Variants in ZGPAT observed in about 807,000 individuals in gnomAD.
The protein encoded by ZGPAT is zinc finger CCCH-type with G patch domain-containing protein.
ZGPAT carries 39 observed loss-of-function variants against 47.9 expected under a neutral mutation model. The ratio of observed to expected loss-of-function variants is 0.81; its 90% CI spans 0.63 to 1.06. The LOEUF (loss-of-function observed/expected upper bound fraction) is 1.06, where lower values mean the gene tolerates loss of function less well. Ranked by LOEUF, ZGPAT falls within the 50% of genes least tolerant of loss-of-function variation. The probability of loss-of-function intolerance (pLI) is 0.00; values close to 1 mark genes in which losing one functional copy is unlikely to be tolerated. For synonymous variants in ZGPAT, 348 were observed against 292.9 expected, an observed-to-expected ratio of 1.19 and a Z score of -1.92; for missense variants, 717 against 681.4, an observed-to-expected ratio of 1.05 and a Z score of -0.58.
chr20:63,734,708 TG>T lies in ZGPAT; in HGVS notation c.879del (p.Ser294GlnfsTer23). The T allele has an allele frequency of 6.2e-7, 1 of 1,613,830 alleles. No homozygotes were observed. Among genetic ancestry groups the T allele is most frequent in the Non-Finnish European group, 8.5e-7 (1 of 1,179,856 alleles). On this transcript the variant is annotated frameshift_variant, in exon 5 of 7. Transcript: ENST00000355969. LOFTEE classifies it high-confidence loss of function. Reference sequence around the variant, plus strand: ...GCCCTCTGTCCGTCTCTTGCAGTGGTGGGGTCAGATGCTGTGGACTCTGGGA... The same window carrying T: ...GCCCTCTGTCCGTCTCTTGCAGTGGTGGGTCAGATGCTGTGGACTCTGGGA... ...GTGDSSYARV[V>X]GSDAVDSGTC...
chr20:63,723,941 C>T (rs563842592), intron 2 of ZGPAT, among the ~76,000 whole-genome samples: 7 of 151,854 alleles, frequency 4.6e-5, no homozygotes, highest in African/African-American at 7.2e-5. Context: ...CATGGTGGCA[C>T]GCGCCTGTAG....
At chr20:63,720,149 AT>A (rs1190974400) in intron 2 of ZGPAT, among the ~76,000 whole-genome samples, 3 of 151,354 alleles carry the variant, frequency 2.0e-5, no homozygotes, top group East Asian at 1.9e-4. Context: ...TTTTTAAAAA[AT>A]TTTTTTTAAT....
intron 2 of ZGPAT, among the ~76,000 whole-genome samples, chr20:63,727,236 TTTTC>T (rs144298974): frequency 0.17 from 25,148 of 145,682 alleles, 2,377 homozygotes; most frequent in East Asian, 0.56. Flanking sequence ...TGATTTTTTT[TTTTC>T]TTTTTTTCTT....
At chr20:63,717,806 G>GT (rs2091746226) in intron 2 of ZGPAT, among the ~76,000 whole-genome samples, 1 of 152,124 alleles carries the variant, frequency 6.6e-6, no homozygotes, top group African/African-American at 2.4e-5. Flanking sequence ...ACTTTGGGAG[G>GT]CCAAGGTGGG....
At chr20:63,735,006 C>A in intron 5 of ZGPAT, 153 bp from the exon 6 acceptor site, 1 of 1,334,062 alleles carries the variant, frequency 7.5e-7, no homozygotes, top group Admixed American at 3.0e-5. Flanking sequence ...CATCCCCGTG[C>A]TCCTCAGATT....
chr20:63,735,732 T>A (rs1601355927), intron 6 of ZGPAT, 49 bp from the exon 7 acceptor site: 3 of 1,557,460 alleles, frequency 1.9e-6, no homozygotes, highest in Non-Finnish European at 2.6e-6. Flanking sequence ...CAGACTGGGG[T>A]TGGTGGCATG....
At position 63,708,881 on chromosome 20, in the gene ZGPAT, T is replaced by C. The variant is rs1487866324; in HGVS notation, c.301T>C (p.Ser101Pro). The C allele has an allele frequency of 6.2e-7, 1 of 1,611,466 alleles. No individual in the cohort carries two copies. The highest frequency in any genetic ancestry group is 8.5e-7 in the Non-Finnish European group (1 of 1,179,254). The change falls in exon 2 of 7, where the codon TCA becomes CCA. Residue 101 changes from serine (S) to proline (P), a missense_variant. Physicochemically the swap from Ser to Pro is moderately conservative, Grantham distance 74. Coordinates refer to ENST00000355969, the MANE Select transcript of ZGPAT (RefSeq NM_181485.3). ...EAPAAARGSG[S>P]ETVPKAEAGP... Reference sequence around the variant, plus strand: ...ACCAGCAGCGGCCCGTGGGTCCGGATCAGAGACCGTTCCTAAAGCAGAGGC... The same window carrying C: ...ACCAGCAGCGGCCCGTGGGTCCGGACCAGAGACCGTTCCTAAAGCAGAGGC...
rs2091617239 is a variant in ZGPAT, at chr20:63,709,015, G to A, written c.435G>A (p.Leu145=). 1 of 1,613,564 alleles carries A rather than the reference G, an allele frequency of 6.2e-7. No homozygotes were observed. Among genetic ancestry groups the A allele is most frequent in the African/African-American group, 1.3e-5 (1 of 74,932 alleles). Residue 145 remains leucine, a synonymous_variant, in exon 2 of 7, where the codon CTG becomes CTA. Coordinates refer to ENST00000355969, the MANE Select transcript of ZGPAT (RefSeq NM_181485.3). ...SAPYYSSWGT[L]EYHNAMVVGT... ...CCTACTACAGCTCCTGGGGCACTCT[G>A]GAGTATCACAACGCCATGGTGGTGG...
At chr20:63,723,843 G>A (rs2091816088) in intron 2 of ZGPAT, among the ~76,000 whole-genome samples, 1 of 152,206 alleles carries the variant, frequency 6.6e-6, no homozygotes, top group Non-Finnish European at 1.5e-5. Flanking sequence ...GGCTGAGGTG[G>A]GCAGATCGCC....
intron 2 of ZGPAT, among the ~76,000 whole-genome samples, chr20:63,717,379 TC>T (rs1163829363): frequency 7.3e-6 from 1 of 137,430 alleles, no homozygotes; most frequent in Non-Finnish European, 1.6e-5. Context: ...AGATGGAGTC[TC>T]CCTCTGTCAC....
intron 2 of ZGPAT, among the ~76,000 whole-genome samples, chr20:63,732,946 ATATATG>A (rs1467628280): frequency 6.6e-5 from 10 of 150,668 alleles, no homozygotes; most frequent in South Asian, 2.1e-4. Flanking sequence ...ACAAGTGTGT[ATATATG>A]TGTATGTGTG....
At chr20:63,712,344 C>A (rs909380111) in intron 2 of ZGPAT, among the ~76,000 whole-genome samples, 3 of 152,168 alleles carry the variant, frequency 2.0e-5, no homozygotes, top group African/African-American at 4.8e-5. Flanking sequence ...AGCTCTCTCT[C>A]CTGTTCCATT....
intron 2 of ZGPAT, among the ~76,000 whole-genome samples, chr20:63,712,926 G>A (rs1249291918): frequency 6.6e-6 from 1 of 151,950 alleles, no homozygotes; most frequent in African/African-American, 2.4e-5. Context: ...GAAAAAAACA[G>A]TATTAAGTCT....
intron 2 of ZGPAT, among the ~76,000 whole-genome samples, chr20:63,712,886 A>T (rs2091684610): frequency 6.6e-6 from 1 of 151,914 alleles, no homozygotes; most frequent in Non-Finnish European, 1.5e-5. Flanking sequence ...ACAGAGGGAG[A>T]CTCCATCTTA....
chr20:63,734,633 C>T (rs1391366158), intron 4 of ZGPAT, 72 bp from the exon 5 acceptor site: 9 of 1,588,244 alleles, frequency 5.7e-6, no homozygotes, highest in African/African-American at 1.3e-5. Context: ...GCCCTCTGTC[C>T]ATCTCTTGCA....
Position 63,733,055 on chromosome 20 carries a change from C to T in ZGPAT, c.585-164C>T, listed in dbSNP as rs7361830. 3.3e-5 allele frequency among the ~76,000 whole-genome samples: 5 copies of T among 151,332 alleles called. No individual in the cohort carries two copies. The East Asian group carries it at 7.8e-4, about 24-fold the overall frequency. On this transcript the variant is annotated intron_variant, in intron 2 of 6. Coordinates refer to ENST00000355969, the MANE Select transcript of ZGPAT (RefSeq NM_181485.3). ...GTGTGCATGTGTGTGTGTATGTGTG[C>T]GTGTGTATGTGTGTGCGTGAGTGTG...
Position 63,732,807 on chromosome 20 carries a change from CGT to C in ZGPAT, c.585-407_585-406del, listed in dbSNP as rs952132381. ...GTATGCATGTGAGTGCATGTTTATG[CGT>C]GTGTATGTGTACTTGTGTGTGCCTG... On this transcript the variant is annotated intron_variant, in intron 2 of 6. Coordinates refer to ENST00000355969, the MANE Select transcript of ZGPAT (RefSeq NM_181485.3). Among the ~76,000 whole-genome samples, 7 of 141,346 alleles carry C rather than the reference CGT, an allele frequency of 5.0e-5. No individual in the cohort carries two copies. The East Asian group carries it at 1.0e-3, about 20-fold the overall frequency. 92.7% of individuals were successfully genotyped at this position (141,346 alleles called of 152,430 possible). A position where few individuals can be genotyped will look rare whatever the true frequency, so the allele number is the denominator to read the frequency against.
At position 63,733,246 on chromosome 20, in the gene ZGPAT, G is replaced by T. The variant is rs759154752; in HGVS notation, c.612G>T (p.Leu204=). Residue 204 remains leucine (L), a synonymous_variant, in exon 3 of 7, where the codon CTG becomes CTT. Coordinates refer to ENST00000355969, the MANE Select transcript of ZGPAT (RefSeq NM_181485.3). The part of the protein sequence containing the change: ...CRFSHGQVVS[L]DELRPFQDPD... Reference sequence around the variant, plus strand: ...TCTCCCATGGGCAGGTGGTCTCTCTGGATGAGCTGCGCCCCTTCCAGGACC... The same window carrying T: ...TCTCCCATGGGCAGGTGGTCTCTCTTGATGAGCTGCGCCCCTTCCAGGACC... 3.1e-5 allele frequency: 50 copies of T among 1,613,678 alleles called. No individual in the cohort carries two copies. Among genetic ancestry groups the T allele is most frequent in the Non-Finnish European group, 4.2e-5 (49 of 1,179,918 alleles).
At chr20:63,730,018 G>GCACACACACACACA (rs112508718) in intron 2 of ZGPAT, 2,657 of 147,010 alleles carry the variant, frequency 0.018, 81 homozygotes, top group East Asian at 0.057. Context: ...AGACTCTACT[G>GCACACACACACACA]CGCACACACA....
Sources: gnomAD v4.1 joint callset for allele counts (sites outside exome capture counted in the v4.1 genomes callset) on GRCh38, gnomAD v4.1.1 for gene constraint, MANE v1.5 for transcripts, NCBI Gene and HGNC (gene_info 2026-07-23, HGNC 2026-07-21) for gene names.